SGK1: variants seen among roughly 807,000 people sequenced by gnomAD.
SGK1 encodes the protein serum/glucocorticoid regulated kinase 1.
A neutral mutation model predicts 64.2 loss-of-function variants in SGK1; 26 were observed. The observed-to-expected ratio is 0.40, with a 90% CI of 0.30 to 0.56. The LOEUF (loss-of-function observed/expected upper bound fraction) is 0.56, where lower values mean the gene tolerates loss of function less well. Among genes scored for constraint, SGK1 ranks in the 20% least tolerant of loss-of-function variants. The probability of loss-of-function intolerance (pLI) is 0.38; values close to 1 mark genes in which losing one functional copy is unlikely to be tolerated. For missense variants in SGK1, 519 were observed against 645.6 expected (o/e 0.80, Z 2.12); for synonymous variants, 265 against 239.7 (o/e 1.11, Z -0.98).
intron 2 of SGK1, among the ~76,000 whole-genome samples, chr6:134,255,613 C>G (rs2114740808): frequency 7.3e-6 from 1 of 136,848 alleles, no homozygotes; most frequent in Non-Finnish European, 1.5e-5. Context: ...TGGAGCCTCG[C>G]TCTTGTCACC....
intron 2 of SGK1, among the ~76,000 whole-genome samples, chr6:134,213,148 T>C (rs190221886): frequency 1.3e-5 from 2 of 152,302 alleles, no homozygotes; most frequent in African/African-American, 4.8e-5. Context: ...TTGAACTATA[T>C]ATACTGCAAC....
intron 1 of SGK1, 88 bp from the exon 2 acceptor site, chr6:134,262,236 G>A: frequency 1.1e-6 from 1 of 936,336 alleles, no homozygotes; most frequent in Non-Finnish European, 1.6e-6. Flanking sequence ...TGGTGGGATG[G>A]GAGCTCATGA....
intron 3 of SGK1, among the ~76,000 whole-genome samples, chr6:134,185,912 A>T (rs1367603175): frequency 6.6e-6 from 1 of 151,924 alleles, no homozygotes; most frequent in Non-Finnish European, 1.5e-5. Context: ...TGAGTGACCT[A>T]CCCACGGTTC....
intron 1 of SGK1, among the ~76,000 whole-genome samples, chr6:134,302,881 A>G (rs1244040396): frequency 6.6e-6 from 1 of 151,766 alleles, no homozygotes; most frequent in East Asian, 2.0e-4. Flanking sequence ...CAGCCTCCCC[A>G]CTAGCTGAGA....
intron 1 of SGK1, among the ~76,000 whole-genome samples, chr6:134,314,371 G>A (rs1437132104): frequency 6.6e-6 from 1 of 152,142 alleles, no homozygotes; most frequent in Non-Finnish European, 1.5e-5. Flanking sequence ...GGGGACAGAA[G>A]AGTCTGTTGT....
chr6:134,243,446 T>C (rs777815100), intron 2 of SGK1, among the ~76,000 whole-genome samples: 10 of 152,188 alleles, frequency 6.6e-5, no homozygotes, highest in Non-Finnish European at 8.8e-5. Flanking sequence ...CTCGGTTCAC[T>C]GCAACCTCCG....
intron 3 of SGK1, among the ~76,000 whole-genome samples, chr6:134,179,930 G>A (rs1454928129): frequency 1.3e-5 from 2 of 152,032 alleles, no homozygotes; most frequent in African/African-American, 4.8e-5. Context: ...ACTTGACATG[G>A]GAGGAATGAG....
chr6:134,190,978 A>T lies in SGK1; in HGVS notation c.361+16378T>A, dbSNP rs190285995. 8.5e-5 allele frequency among the ~76,000 whole-genome samples: 13 copies of T among 152,250 alleles called. No homozygotes were observed. The East Asian group carries it at 2.5e-3, about 29-fold the overall frequency. On this transcript the variant is annotated intron_variant, in intron 3 of 13. Coordinates refer to ENST00000367858, the MANE Select transcript of SGK1 (RefSeq NM_001143676.3). ...CCAATTATGTTTTTGTCGAAGAGCA[A>T]TCCTTTCTGATTTTCGCAGACTGCT... is the stretch of plus-strand genomic sequence containing the variant.
At chr6:134,206,219 G>A (rs1775765657) in intron 3 of SGK1, among the ~76,000 whole-genome samples, 2 of 150,842 alleles carry the variant, frequency 1.3e-5, no homozygotes, top group Admixed American at 1.3e-4. Context: ...AAACAAACTT[G>A]GACTCATGTG....
chr6:134,229,755 T>C (rs1776247995), intron 2 of SGK1, among the ~76,000 whole-genome samples: 1 of 152,204 alleles, frequency 6.6e-6, no homozygotes, highest in African/African-American at 2.4e-5. Flanking sequence ...TTTGTGTGTG[T>C]GCCCAGGTGC....
intron 1 of SGK1, among the ~76,000 whole-genome samples, chr6:134,288,498 C>G (rs143185743): frequency 8.7e-4 from 133 of 152,204 alleles, no homozygotes; most frequent in African/African-American, 3.0e-3. Flanking sequence ...TGAAATTAGG[C>G]TTTCTAATGG....
intron 1 of SGK1, chr6:134,283,078 A>G (rs1777119028): frequency 6.6e-6 from 1 of 152,118 alleles, no homozygotes; most frequent in South Asian, 2.1e-4. Flanking sequence ...TCTTTTGTTT[A>G]AAGAAGGCAG....
At chr6:134,263,451 G>A (rs555006572) in intron 1 of SGK1, among the ~76,000 whole-genome samples, 6 of 151,446 alleles carry the variant, frequency 4.0e-5, no homozygotes, top group African/African-American at 1.5e-4. Flanking sequence ...GCGCAGGCTG[G>A]TATCAAACTC....
At chr6:134,208,039 G>A (rs1165857657) in intron 2 of SGK1, among the ~76,000 whole-genome samples, 1 of 152,122 alleles carries the variant, frequency 6.6e-6, no homozygotes, top group Non-Finnish European at 1.5e-5. Context: ...AGCCTCCTGA[G>A]TAGCTGGGAT....
At chr6:134,174,349 C>G in intron 4 of SGK1, 162 bp downstream of exon 4, 1 of 630,724 alleles carries the variant, frequency 1.6e-6, no homozygotes. Flanking sequence ...AGCAAATTAA[C>G]TTTAATGTTT....
intron 2 of SGK1, among the ~76,000 whole-genome samples, chr6:134,251,911 C>T (rs1239508632): frequency 3.3e-5 from 5 of 152,104 alleles, no homozygotes; most frequent in South Asian, 2.1e-4. Flanking sequence ...GGTGCCATCA[C>T]GCCTGGCTAA....
At position 134,317,660 on chromosome 6, in the gene SGK1, C is replaced by T; in HGVS notation, c.-200G>A. The T allele has an allele frequency of 6.8e-6, 4 of 587,406 alleles. No individual in the cohort carries two copies. Among genetic ancestry groups the T allele is most frequent in the Non-Finnish European group, 1.2e-5 (4 of 328,398 alleles). The allele number at this position is 587,406 out of a possible 1,614,324, so 36.4% of individuals were successfully genotyped here. A position where few individuals can be genotyped will look rare whatever the true frequency, so the allele number is the denominator to read the frequency against. On this transcript the variant is annotated 5_prime_UTR_variant, in exon 1 of 14. Transcript: ENST00000367858. ...ACCTCTCCCCACTTTCAGTTGCCAC[C>T]GACAGCGGCTTTTCTCCTTCCATCA...
chr6:134,256,812 T>C (rs1776691789), intron 2 of SGK1, among the ~76,000 whole-genome samples: 1 of 152,194 alleles, frequency 6.6e-6, no homozygotes. Context: ...GATATCACAA[T>C]ATTGCTGTTC....
intron 3 of SGK1, among the ~76,000 whole-genome samples, chr6:134,206,945 G>GC (rs1265412851): frequency 6.7e-6 from 1 of 150,340 alleles, no homozygotes; most frequent in Non-Finnish European, 1.5e-5. Context: ...AATAAACAAG[G>GC]CCGGGCGCGG....
Sources: allele counts gnomAD v4.1 joint callset (sites outside exome capture counted in the v4.1 genomes callset), GRCh38; gene constraint gnomAD v4.1.1; transcripts MANE v1.5; gene names NCBI Gene and HGNC (gene_info 2026-07-23, HGNC 2026-07-21).